Variants in KCND3 observed in about 807,000 individuals in gnomAD.
KCND3 encodes A-type voltage-gated potassium channel KCND3.
In KCND3, 9 loss-of-function variants were observed where a neutral mutation model predicts 51.1. The ratio of observed to expected loss-of-function variants is 0.18; its 90% CI spans 0.11 to 0.31. The LOEUF is 0.31. KCND3 is among the 10% of genes least tolerant of loss of function. KCND3 has a pLI of 1.00. For synonymous variants in KCND3, 349 were observed against 368.0 expected, an observed-to-expected ratio of 0.95 and a Z score of 0.59; for missense variants, 526 against 903.8, an observed-to-expected ratio of 0.58 and a Z score of 5.36.
intron 2 of KCND3, among the ~76,000 whole-genome samples, chr1:111,938,075 C>T (rs1471843794): frequency 6.6e-6 from 1 of 152,238 alleles, no homozygotes; most frequent in East Asian, 1.9e-4. Context: ...GGCTATTTCA[C>T]TGCAGCCAAA....
At chr1:111,888,783 C>T (rs796443994) in intron 2 of KCND3, among the ~76,000 whole-genome samples, 17 of 151,772 alleles carry the variant, frequency 1.1e-4, no homozygotes, top group African/African-American at 3.9e-4. Context: ...CAGGGGCTAC[C>T]GAGAGAAGGA....
chr1:111,777,556 G>GGGAAATAGA (rs1664184169), intron 6 of KCND3, among the ~76,000 whole-genome samples: 1 of 152,204 alleles, frequency 6.6e-6, no homozygotes, highest in Non-Finnish European at 1.5e-5. Context: ...TTGAGCTGAA[G>GGGAAATAGA]GGACATAGAG....
At chr1:111,979,904 T>G (rs897291859) in intron 2 of KCND3, among the ~76,000 whole-genome samples, 1 of 152,152 alleles carries the variant, frequency 6.6e-6, no homozygotes, top group African/African-American at 2.4e-5. Context: ...TCTGATGTCA[T>G]GAGTCCCATC....
At chr1:111,910,271 T>C (rs1479213034) in intron 2 of KCND3, 1 of 152,240 alleles carries the variant, frequency 6.6e-6, no homozygotes, top group Non-Finnish European at 1.5e-5. Context: ...TGGCCTTTCC[T>C]TAAAGGTGAA....
intron 2 of KCND3, among the ~76,000 whole-genome samples, chr1:111,966,256 T>G (rs1185027613): frequency 6.6e-6 from 1 of 152,232 alleles, no homozygotes; most frequent in African/African-American, 2.4e-5. Context: ...CCCACACGGA[T>G]GCTAACAGCA....
chr1:111,877,941 T>TATTA (rs1669123538), intron 2 of KCND3, among the ~76,000 whole-genome samples: 2 of 152,228 alleles, frequency 1.3e-5, no homozygotes, highest in Non-Finnish European at 2.9e-5. Flanking sequence ...CCCTACTATG[T>TATTA]GCAATTCATA....
At chr1:111,857,113 A>T (rs916639981) in intron 2 of KCND3, among the ~76,000 whole-genome samples, 23 of 152,112 alleles carry the variant, frequency 1.5e-4, no homozygotes, top group African/African-American at 5.1e-4. Context: ...CATTGATTTC[A>T]TTTACAAATA....
At chr1:111,812,674 C>A (rs1028822737) in intron 2 of KCND3, among the ~76,000 whole-genome samples, 1 of 152,192 alleles carries the variant, frequency 6.6e-6, no homozygotes, top group African/African-American at 2.4e-5. Flanking sequence ...TGCTTAATAA[C>A]CTCTCTGGAA....
intron 2 of KCND3, among the ~76,000 whole-genome samples, chr1:111,935,526 T>C (rs1038384242): frequency 3.3e-5 from 5 of 152,190 alleles, no homozygotes; most frequent in African/African-American, 1.2e-4. Flanking sequence ...GATGCAAACC[T>C]TTAGTATTTT....
intron 2 of KCND3, among the ~76,000 whole-genome samples, chr1:111,934,666 T>A (rs908737502): frequency 6.6e-6 from 1 of 152,206 alleles, no homozygotes; most frequent in African/African-American, 2.4e-5. Flanking sequence ...TGTTTGTGCA[T>A]GTGTGTGCGT....
chr1:111,847,501 G>A (rs1667609459), intron 2 of KCND3, among the ~76,000 whole-genome samples: 1 of 152,156 alleles, frequency 6.6e-6, no homozygotes, highest in African/African-American at 2.4e-5. Flanking sequence ...GAATGCCATG[G>A]GCCTTAGATG....
At chr1:111,929,075 T>C (rs549679537) in intron 2 of KCND3, among the ~76,000 whole-genome samples, 8 of 152,344 alleles carry the variant, frequency 5.3e-5, no homozygotes, top group South Asian at 4.1e-4. Context: ...GCTTCGCAAA[T>C]TGGAAATCAG....
intron 3 of KCND3, among the ~76,000 whole-genome samples, chr1:111,781,009 A>G (rs1429809479): frequency 6.6e-6 from 1 of 152,218 alleles, no homozygotes; most frequent in East Asian, 1.9e-4. Context: ...CAGCCCGGGT[A>G]TAATCCTGGC....
At chr1:111,963,292 G>A (rs867787904) in intron 2 of KCND3, among the ~76,000 whole-genome samples, 2 of 152,140 alleles carry the variant, frequency 1.3e-5, no homozygotes, top group African/African-American at 4.8e-5. Context: ...ATTGAAGAAG[G>A]AGCTAGAAAA....
intron 2 of KCND3, among the ~76,000 whole-genome samples, chr1:111,938,614 G>T (rs1672331984): frequency 6.6e-6 from 1 of 152,180 alleles, no homozygotes; most frequent in Admixed American, 6.5e-5. Flanking sequence ...TCCATCAGTG[G>T]ACATTGAATG....
intron 2 of KCND3, among the ~76,000 whole-genome samples, chr1:111,968,389 A>G (rs913763270): frequency 2.0e-5 from 3 of 152,250 alleles, no homozygotes; most frequent in Non-Finnish European, 4.4e-5. Context: ...CTAGGGTCAC[A>G]TAAGCTGTAT....
At chr1:111,829,563 C>G (rs1666739787) in intron 2 of KCND3, among the ~76,000 whole-genome samples, 1 of 152,162 alleles carries the variant, frequency 6.6e-6, no homozygotes, top group Admixed American at 6.5e-5. Context: ...TTCAGATACG[C>G]TGACTTTGAG....
At chr1:111,963,831 C>G (rs1673811638) in intron 2 of KCND3, among the ~76,000 whole-genome samples, 1 of 152,224 alleles carries the variant, frequency 6.6e-6, no homozygotes, top group Admixed American at 6.5e-5. Context: ...CCTAGGCAGG[C>G]TGCACTGCCT....
chr1:111,796,315 A>AGTTT, intron 2 of KCND3, among the ~76,000 whole-genome samples: 1 of 152,184 alleles, frequency 6.6e-6, no homozygotes, highest in Non-Finnish European at 1.5e-5. Flanking sequence ...TCATAAAGAC[A>AGTTT]CATGCATGTG....
Sources: gnomAD v4.1 joint callset for allele counts (sites outside exome capture counted in the v4.1 genomes callset) on GRCh38, gnomAD v4.1.1 for gene constraint, MANE v1.5 for transcripts, NCBI Gene and HGNC (gene_info 2026-07-23, HGNC 2026-07-21) for gene names.